GDPD5: variants seen among roughly 807,000 people sequenced by gnomAD.
GDPD5 encodes the protein glycerophosphodiester phosphodiesterase domain containing 5.
In GDPD5, 48 loss-of-function variants were observed where a neutral mutation model predicts 75.1. That is an observed-to-expected ratio of 0.64 (90% CI 0.51 to 0.81). GDPD5 has a LOEUF of 0.81. GDPD5 is among the 40% of genes least tolerant of loss of function. The probability of loss-of-function intolerance (pLI) is 0.00; values close to 1 mark genes in which losing one functional copy is unlikely to be tolerated. For missense variants in GDPD5, 706 were observed against 822.6 expected, an observed-to-expected ratio of 0.86 and a Z score of 1.73; for synonymous variants, 336 against 339.0, an observed-to-expected ratio of 0.99 and a Z score of 0.10.
chr11:75,514,137 G>A (rs1019473808), intron 1 of GDPD5, among the ~76,000 whole-genome samples: 1 of 152,230 alleles, frequency 6.6e-6, no homozygotes, highest in Admixed American at 6.5e-5. Context: ...TTTTGAGGAG[G>A]GAGGCAAAAC....
intron 3 of GDPD5, among the ~76,000 whole-genome samples, chr11:75,464,007 G>A (rs1405738002): frequency 2.6e-5 from 4 of 152,198 alleles, no homozygotes; most frequent in African/African-American, 9.6e-5. Context: ...CTAAACTCAC[G>A]CTCTGCACAC....
intron 9 of GDPD5, 38 bp downstream of exon 9, chr11:75,448,938 AC>A: frequency 6.6e-7 from 1 of 1,524,566 alleles, no homozygotes; most frequent in Non-Finnish European, 8.7e-7. Flanking sequence ...ATCGCACCCC[AC>A]CCCAACGGGG....
At chr11:75,502,766 C>T (rs927826364) in intron 1 of GDPD5, among the ~76,000 whole-genome samples, 4 of 152,322 alleles carry the variant, frequency 2.6e-5, no homozygotes, top group East Asian at 3.9e-4. Flanking sequence ...CCTGCACCAC[C>T]GTGTAGACAC....
At chr11:75,508,097 G>A (rs1438004732) in intron 1 of GDPD5, 1 of 152,136 alleles carries the variant, frequency 6.6e-6, no homozygotes, top group African/African-American at 2.4e-5. Context: ...ACGTCACCTG[G>A]CTAATATGAC....
At chr11:75,457,887 T>TAAGTGACCAGGCTGTGCC in intron 4 of GDPD5, 101 bp from the exon 5 acceptor site, 1 of 849,210 alleles carries the variant, frequency 1.2e-6, no homozygotes, top group Non-Finnish European at 1.9e-6. Context: ...CAGGCTGGGC[T>TAAGTGACCAGGCTGTGCC]CAGTGACCAG....
At chr11:75,490,512 G>C (rs894615700) in intron 1 of GDPD5, 192 bp from the exon 2 acceptor site, 3 of 152,272 alleles carry the variant, frequency 2.0e-5, no homozygotes, top group African/African-American at 7.2e-5. Context: ...CAGGACATAC[G>C]TGATCTAATA....
intron 3 of GDPD5, among the ~76,000 whole-genome samples, chr11:75,475,211 G>A (rs980821904): frequency 6.6e-6 from 1 of 152,230 alleles, no homozygotes; most frequent in Non-Finnish European, 1.5e-5. Context: ...CCATTTCACA[G>A]ATGAGACTCA....
chr11:75,443,890 C>T (rs563520362), intron 10 of GDPD5, among the ~76,000 whole-genome samples: 1 of 152,336 alleles, frequency 6.6e-6, no homozygotes, highest in East Asian at 1.9e-4. Flanking sequence ...TATGTCTATA[C>T]TGGGAACAAT....
rs184560848 is a variant in GDPD5 at position 75,495,633 on chromosome 11, G to A, written c.-144-5313C>T. 2.4e-4 allele frequency among the ~76,000 whole-genome samples: 37 copies of A among 152,256 alleles called. 1 individual carries two copies. In the East Asian group the frequency reaches 5.8e-3, roughly 24 times the overall value. ...CAATGTAAATATGTACACAATGTAC[G>A]TATTTCAATGTACATTGTGAAGGTA... On this transcript the variant is annotated intron_variant, in intron 1 of 16. Coordinates refer to ENST00000336898, the MANE Select transcript of GDPD5 (RefSeq NM_030792.8).
At chr11:75,453,776 A>C (rs1306022795) in intron 6 of GDPD5, among the ~76,000 whole-genome samples, 3 of 152,238 alleles carry the variant, frequency 2.0e-5, no homozygotes, top group Non-Finnish European at 4.4e-5. Flanking sequence ...ATAGCATCTC[A>C]AATGAATAAA....
chr11:75,520,854 T>TTGGCC (rs1950740781), intron 1 of GDPD5, among the ~76,000 whole-genome samples: 1 of 152,204 alleles, frequency 6.6e-6, no homozygotes, highest in Non-Finnish European at 1.5e-5. Flanking sequence ...TCCCGCCAAC[T>TTGGCC]TGGCCTGGCC....
intron 1 of GDPD5, among the ~76,000 whole-genome samples, chr11:75,510,757 C>T (rs76019504): frequency 6.1e-4 from 92 of 152,026 alleles, no homozygotes; most frequent in Non-Finnish European, 1.2e-3. Context: ...TCTCCCCCTC[C>T]CCCCTCCTCC....
chr11:75,487,502 T>C (rs1434441383), intron 2 of GDPD5, among the ~76,000 whole-genome samples: 2 of 152,186 alleles, frequency 1.3e-5, no homozygotes, highest in Non-Finnish European at 2.9e-5. Flanking sequence ...TCTGGGGAAA[T>C]GTTACTCAGT....
chr11:75,494,826 C>T (rs1950181398), intron 1 of GDPD5, among the ~76,000 whole-genome samples: 1 of 151,836 alleles, frequency 6.6e-6, no homozygotes, highest in Admixed American at 6.6e-5. Flanking sequence ...GTGGCATGCG[C>T]CTGTAATCCC....
At chr11:75,469,095 C>T (rs2135329840) in intron 3 of GDPD5, among the ~76,000 whole-genome samples, 1 of 152,366 alleles carries the variant, frequency 6.6e-6, no homozygotes, top group Middle Eastern at 3.4e-3. Context: ...CACATCTCTC[C>T]AGCTGCTGAG....
intron 1 of GDPD5, among the ~76,000 whole-genome samples, chr11:75,501,758 C>T (rs1790303): frequency 0.75 from 113,939 of 151,948 alleles, 43,463 homozygotes; most frequent in Admixed American, 0.84. Flanking sequence ...GAGGAGGAGG[C>T]CACCGGCCCT....
intron 3 of GDPD5, among the ~76,000 whole-genome samples, chr11:75,472,046 G>C (rs1272977177): frequency 6.6e-6 from 1 of 152,214 alleles, no homozygotes; most frequent in East Asian, 1.9e-4. Flanking sequence ...CACTTTGAAA[G>C]TTTGTAGGGA....
intron 6 of GDPD5, chr11:75,452,090 T>A (rs891004823): frequency 6.6e-6 from 1 of 152,200 alleles, no homozygotes; most frequent in Non-Finnish European, 1.5e-5. Flanking sequence ...ACAGAGTCTT[T>A]CATTCATTCG....
chr11:75,505,345 C>T (rs1950375019), intron 1 of GDPD5, among the ~76,000 whole-genome samples: 1 of 151,966 alleles, frequency 6.6e-6, no homozygotes, highest in Admixed American at 6.5e-5. Context: ...CCCCCAGCCC[C>T]ACCCCCAGCC....
Sources: gnomAD v4.1 joint callset for allele counts (sites outside exome capture counted in the v4.1 genomes callset) on GRCh38, gnomAD v4.1.1 for gene constraint, MANE v1.5 for transcripts, NCBI Gene and HGNC (gene_info 2026-07-23, HGNC 2026-07-21) for gene names.